CTTNBP2: variants seen among roughly 807,000 people sequenced by gnomAD.
The protein encoded by CTTNBP2 is cortactin-binding protein 2.
In CTTNBP2, 108 loss-of-function variants were observed where a neutral mutation model predicts 156.9. The ratio of observed to expected loss-of-function variants is 0.69; its 90% confidence interval spans 0.59 to 0.81. The LOEUF (loss-of-function observed/expected upper bound fraction) is 0.81. Among genes scored for constraint, CTTNBP2 ranks in the 30% least tolerant of loss-of-function variants. The probability of loss-of-function intolerance (pLI) is 0.00; values close to 1 mark genes in which losing one functional copy is unlikely to be tolerated. For synonymous variants in CTTNBP2, 767 were observed against 751.8 expected, an observed-to-expected ratio of 1.02 and a Z score of -0.33; for missense variants, 1,924 against 2,035.4, an observed-to-expected ratio of 0.95 and a Z score of 1.05.
chr7:117,720,229 C>T (rs1037765401), intron 20 of CTTNBP2, among the ~76,000 whole-genome samples: 2 of 152,060 alleles, frequency 1.3e-5, no homozygotes. Context: ...TGCAAACCAG[C>T]GGACATGATC....
chr7:117,804,008 G>A (rs1321219983), intron 3 of CTTNBP2, among the ~76,000 whole-genome samples: 1 of 152,042 alleles, frequency 6.6e-6, no homozygotes, highest in African/African-American at 2.4e-5. Context: ...TGTTGCCCAG[G>A]CCAGAGTGTA....
At chr7:117,824,532 TCTG>T (rs1801164823) in intron 2 of CTTNBP2, among the ~76,000 whole-genome samples, 1 of 152,260 alleles carries the variant, frequency 6.6e-6, no homozygotes, top group Non-Finnish European at 1.5e-5. Flanking sequence ...ATGCTTTAAT[TCTG>T]CTGATATACT....
Position 117,791,667 on chromosome 7 carries a change from G to A in CTTNBP2, c.1529C>T (p.Pro510Leu), listed in dbSNP as rs144094600. The A allele has an allele frequency of 6.2e-7, 1 of 1,614,094 alleles. No individual in the cohort carries two copies. Among genetic ancestry groups the A allele is most frequent in the African/African-American group, 1.3e-5 (1 of 74,938 alleles). ...AACATCCCCTGTTGGGGGCACTCCAGGCCTTGAGGGAGCACCTGCTTGAGG... is the reference window on the plus strand; with the variant it reads ...AACATCCCCTGTTGGGGGCACTCCAAGCCTTGAGGGAGCACCTGCTTGAGG... ...TSPQAGAPSR[P>L]GVPPTGDVGT... Residue 510 changes from proline (P) to leucine (L), a missense_variant, in exon 4 of 23, where the codon CCT becomes CTT. Physicochemically the swap from Pro to Leu is moderately conservative, Grantham distance 98 (BLOSUM62 -3). Coordinates refer to ENST00000160373, the MANE Select transcript of CTTNBP2 (RefSeq NM_033427.3).
intron 2 of CTTNBP2, among the ~76,000 whole-genome samples, chr7:117,858,357 G>A (rs1022735533): frequency 1.3e-5 from 2 of 152,144 alleles, no homozygotes; most frequent in African/African-American, 4.8e-5. Context: ...GCGACAGAGT[G>A]AGACTCCGTC....
At chr7:117,790,870 T>A (rs974356351) in intron 4 of CTTNBP2, among the ~76,000 whole-genome samples, 1 of 152,188 alleles carries the variant, frequency 6.6e-6, no homozygotes, top group African/African-American at 2.4e-5. Context: ...TCCATGTGCT[T>A]TAAGCCACTA....
At chr7:117,712,096 G>T (rs1794093937) in intron 22 of CTTNBP2, among the ~76,000 whole-genome samples, 1 of 152,306 alleles carries the variant, frequency 6.6e-6, no homozygotes, top group Admixed American at 6.5e-5. Context: ...CCAAATTGGA[G>T]TAGTCCCATT....
intron 3 of CTTNBP2, chr7:117,793,700 C>G (rs1799162185): frequency 6.6e-6 from 1 of 152,218 alleles, no homozygotes; most frequent in Non-Finnish European, 1.5e-5. Flanking sequence ...TTTTCCTTCA[C>G]AGAAAGGCAC....
At chr7:117,765,945 C>A (rs1348724502) in intron 9 of CTTNBP2, among the ~76,000 whole-genome samples, 3 of 152,174 alleles carry the variant, frequency 2.0e-5, no homozygotes, top group African/African-American at 4.8e-5. Flanking sequence ...CAATTCCCCA[C>A]CTCTAATCAC....
chr7:117,748,310 T>G (rs1040169014), intron 12 of CTTNBP2, among the ~76,000 whole-genome samples: 5 of 152,240 alleles, frequency 3.3e-5, no homozygotes, highest in Admixed American at 1.3e-4. Flanking sequence ...TATAGCCTCT[T>G]TCTCCTAATC....
rs774245045 is a variant in CTTNBP2, at chr7:117,724,531, T to C, written c.4447+16A>G. On this transcript the variant is annotated intron_variant, in intron 19 of 22. Transcript: ENST00000160373. ...TCCACCTCCTGGTAGGCAACATGCC[T>C]ACCCCCGCCCTTTACCTTCAGTGCT... 10 of 1,590,314 alleles carry C rather than the reference T, an allele frequency of 6.3e-6. No individual in the cohort carries two copies. Among genetic ancestry groups the C allele is most frequent in the Non-Finnish European group, 8.6e-6 (10 of 1,168,994 alleles).
At position 117,847,092 on chromosome 7, in the gene CTTNBP2, T is replaced by C. The variant is rs182103221; in HGVS notation, c.189+14117A>G. Among the ~76,000 whole-genome samples the C allele has an allele frequency of 6.6e-5, 10 of 151,552 alleles. 1 individual carries two copies. Among genetic ancestry groups the C allele is most frequent in the Admixed American group, 1.3e-4 (2 of 15,232 alleles). On this transcript the variant is annotated intron_variant, in intron 2 of 22. Transcript: ENST00000160373. The stretch of plus-strand genomic sequence containing the variant: ...CTCACCAACAGGAAGAGGAGCTAAA[T>C]AACAAAATTTTAGATTACAGGGTTA...
chr7:117,755,256 A>T (rs1442549523), intron 12 of CTTNBP2: 1 of 202,038 alleles, frequency 4.9e-6, no homozygotes, highest in Non-Finnish European at 1.0e-5. Context: ...CTGCTGGTAC[A>T]AAAGCTAATC....
At chr7:117,785,013 G>A (rs1449775772) in intron 4 of CTTNBP2, among the ~76,000 whole-genome samples, 1 of 151,962 alleles carries the variant, frequency 6.6e-6, no homozygotes, top group Non-Finnish European at 1.5e-5. Flanking sequence ...TCCCTTATTT[G>A]GGAATAGAAA....
intron 3 of CTTNBP2, among the ~76,000 whole-genome samples, chr7:117,793,858 C>G (rs1263363874): frequency 6.6e-6 from 1 of 152,222 alleles, no homozygotes; most frequent in Non-Finnish European, 1.5e-5. Context: ...CCCAATAGCA[C>G]AAGAGGTTGG....
At chr7:117,782,791 T>A (rs1798501157) in intron 6 of CTTNBP2, 71 bp downstream of exon 6, 1 of 1,017,708 alleles carries the variant, frequency 9.8e-7, no homozygotes, top group Non-Finnish European at 1.5e-6. Context: ...CAGCCGGAAC[T>A]AAAATACGTG....
At chr7:117,856,130 T>A (rs1028032138) in intron 2 of CTTNBP2, among the ~76,000 whole-genome samples, 5 of 152,222 alleles carry the variant, frequency 3.3e-5, no homozygotes, top group Admixed American at 1.3e-4. Context: ...CAGCCAGCCA[T>A]GGCCATTTTC....
intron 19 of CTTNBP2, among the ~76,000 whole-genome samples, chr7:117,724,082 G>C (rs1794951278): frequency 6.6e-6 from 1 of 151,946 alleles, no homozygotes; most frequent in Non-Finnish European, 1.5e-5. Context: ...CTAAAACCCA[G>C]CACATGGTAC....
At chr7:117,780,310 C>G (rs1030732941) in intron 7 of CTTNBP2, 131 bp downstream of exon 7, 2 of 588,180 alleles carry the variant, frequency 3.4e-6, no homozygotes, top group Non-Finnish European at 5.6e-6. Context: ...GGGTCAGACA[C>G]TTTCCAAATC....
At position 117,756,423 on chromosome 7, in the gene CTTNBP2, T is replaced by C. The variant is rs897984185; in HGVS notation, c.3348+132A>G. The C allele has an allele frequency of 1.3e-5, 9 of 689,052 alleles. No individual in the cohort carries two copies. In the Admixed American group the frequency reaches 1.5e-4, roughly 12 times the overall value. The allele number at this position is 689,052 out of a possible 1,614,324, so 42.7% of individuals were successfully genotyped here. A position where few individuals can be genotyped will look rare whatever the true frequency, so the allele number is the denominator to read the frequency against. ...GGCAGCCTGCCAGGGAGGGGGCTGG[T>C]GGGGAAGGTAACGGTGTCAGAGCAC... On this transcript the variant is annotated intron_variant, in intron 12 of 22. Coordinates refer to ENST00000160373, the MANE Select transcript of CTTNBP2 (RefSeq NM_033427.3).
Sources: gnomAD v4.1 joint callset for allele counts (sites outside exome capture counted in the v4.1 genomes callset) on GRCh38, gnomAD v4.1.1 for gene constraint, MANE v1.5 for transcripts, NCBI Gene and HGNC (gene_info 2026-07-23, HGNC 2026-07-21) for gene names.